Variants in RARB observed in about 807,000 individuals in gnomAD.
RARB encodes the protein retinoic acid receptor beta, also known as HBV-activated protein.
Under a neutral mutation model 51.9 loss-of-function variants are expected in RARB, and 17 were observed. The ratio of observed to expected loss-of-function variants is 0.33; its 90% CI spans 0.22 to 0.49. RARB has a LOEUF of 0.49. Ranked by LOEUF, RARB falls within the 20% of genes least tolerant of loss-of-function variation. The pLI, the probability that RARB is intolerant of heterozygous loss-of-function variation, is 0.99. For missense variants in RARB, 369 were observed against 550.8 expected (o/e 0.67, Z 3.30); for synonymous variants, 215 against 195.4 (o/e 1.10, Z -0.84).
chr3:25,002,241 A>C (rs540706517), intron 2 of RARB, among the ~76,000 whole-genome samples: 34 of 152,332 alleles, frequency 2.2e-4, no homozygotes, highest in Admixed American at 5.9e-4. Flanking sequence ...AGGGCAGAGC[A>C]CACTTCCCAC....
intron 5 of RARB, among the ~76,000 whole-genome samples, chr3:25,233,237 G>A (rs563060389): frequency 1.3e-5 from 2 of 152,026 alleles, no homozygotes; most frequent in South Asian, 2.1e-4. Flanking sequence ...AGGATTACAG[G>A]TGCGAGCCAC....
At position 25,076,135 on chromosome 3, in the gene RARB, A is replaced by G. The variant is rs1192924564; in HGVS notation, c.-328+15959A>G. Among the ~76,000 whole-genome samples, 5 of 136,482 alleles carry G rather than the reference A, an allele frequency of 3.7e-5. No homozygotes were observed. In the Admixed American group the frequency reaches 4.2e-4, roughly 11 times the overall value. The allele number at this position is 136,482 out of a possible 152,430, so 89.5% of individuals were successfully genotyped here. ...TTGAATAGTAAGTAGTATCCCCAGA[A>G]GCAGTTATTTATTTTTTTTTTTTTT... On this transcript the variant is annotated intron_variant, in intron 3 of 11. Transcript: ENST00000383772.
intron 4 of RARB, among the ~76,000 whole-genome samples, chr3:25,157,609 C>G (rs1269907113): frequency 6.6e-6 from 1 of 152,060 alleles, no homozygotes; most frequent in Non-Finnish European, 1.5e-5. Flanking sequence ...GTTGACCAGG[C>G]TCGTCTCAAA....
chr3:24,898,450 T>G lies in RARB; in HGVS notation c.-380+39698T>G, dbSNP rs1262604961. ...ATTATCAGTACAATTAGACAATAAC[T>G]TTAATATTTGTTACATGATTATATC... On this transcript the variant is annotated intron_variant, in intron 2 of 11. Transcript: ENST00000383772. Among the ~76,000 whole-genome samples, 3 of 151,890 alleles carry G rather than the reference T, an allele frequency of 2.0e-5. No homozygotes were observed. The South Asian group carries it at 6.2e-4, about 32-fold the overall frequency.
At chr3:24,996,144 T>G (rs1205369885) in intron 2 of RARB, among the ~76,000 whole-genome samples, 1 of 152,118 alleles carries the variant, frequency 6.6e-6, no homozygotes, top group Non-Finnish European at 1.5e-5. Flanking sequence ...TGCCTTGTTA[T>G]TGGTCTGTTC....
At chr3:24,858,209 C>T (rs1488460088) in intron 1 of RARB, among the ~76,000 whole-genome samples, 1 of 152,038 alleles carries the variant, frequency 6.6e-6, no homozygotes, top group African/African-American at 2.4e-5. Flanking sequence ...AGTGATGAAA[C>T]CAAGAAGATT....
chr3:25,242,269 G>C (rs1243352422), intron 5 of RARB, among the ~76,000 whole-genome samples: 1 of 152,094 alleles, frequency 6.6e-6, no homozygotes, highest in African/African-American at 2.4e-5. Context: ...TGTTCACTCT[G>C]ATGGTAGTTT....
intron 1 of RARB, among the ~76,000 whole-genome samples, chr3:25,445,013 G>A (rs1282363302): frequency 6.6e-6 from 1 of 151,888 alleles, no homozygotes; most frequent in African/African-American, 2.4e-5. Flanking sequence ...GTGGTGGTAC[G>A]ATCTCAGGTC....
At chr3:25,305,176 A>AT (rs1275562353) in intron 5 of RARB, among the ~76,000 whole-genome samples, 2 of 152,128 alleles carry the variant, frequency 1.3e-5, no homozygotes, top group Non-Finnish European at 2.9e-5. Context: ...CTTCATTTTA[A>AT]TTTAAAACAC....
chr3:25,109,887 C>T (rs1431571836), intron 3 of RARB, among the ~76,000 whole-genome samples: 1 of 152,228 alleles, frequency 6.6e-6, no homozygotes, highest in Non-Finnish European at 1.5e-5. Context: ...GCCTGGATCC[C>T]AGCCCCACAA....
chr3:25,133,048 A>G (rs769374496), intron 4 of RARB, among the ~76,000 whole-genome samples: 14 of 151,974 alleles, frequency 9.2e-5, no homozygotes, highest in Admixed American at 2.6e-4. Context: ...TGGTTAAACA[A>G]TGGCACGATG....
In RARB at chr3:25,214,770, C is replaced by A. The variant is rs527773819; in HGVS notation, c.178+40195C>A. On this transcript the variant is annotated intron_variant, in intron 5 of 11. Coordinates refer to the RARB transcript ENST00000383772. ...ACATTGCTTCCCATCTTTGAGATAA[C>A]CCTGAAAGGATAACATTGCTGTTCC... Among the ~76,000 whole-genome samples the A allele has an allele frequency of 2.6e-5, 4 of 152,260 alleles. No individual in the cohort carries two copies. The South Asian group carries it at 8.3e-4, about 32-fold the overall frequency.
intron 5 of RARB, among the ~76,000 whole-genome samples, chr3:25,197,243 T>C (rs1701266408): frequency 6.6e-6 from 1 of 152,142 alleles, no homozygotes. Context: ...AATTTGTGTA[T>C]AAGGTGTAAG....
chr3:25,096,977 C>A (rs1447447201), intron 3 of RARB, among the ~76,000 whole-genome samples: 1 of 152,086 alleles, frequency 6.6e-6, no homozygotes, highest in Non-Finnish European at 1.5e-5. Context: ...AGGTACAAAC[C>A]TTTTTTTCTG....
At chr3:25,582,612 G>A (rs2125308734) in intron 5 of RARB, among the ~76,000 whole-genome samples, 1 of 152,152 alleles carries the variant, frequency 6.6e-6, no homozygotes, top group Non-Finnish European at 1.5e-5. Context: ...CACACTTAGT[G>A]ATCAGGGTGC....
chr3:25,562,844 T>TA (rs933336806), intron 3 of RARB, among the ~76,000 whole-genome samples: 20 of 152,160 alleles, frequency 1.3e-4, no homozygotes, highest in Admixed American at 2.6e-4. Flanking sequence ...CAAGAAGAGG[T>TA]AAAATCTGCA....
At chr3:24,912,690 T>A (rs1005603798) in intron 2 of RARB, among the ~76,000 whole-genome samples, 4 of 152,150 alleles carry the variant, frequency 2.6e-5, no homozygotes, top group Non-Finnish European at 4.4e-5. Flanking sequence ...AAGAGAAAAA[T>A]CTTTCTACAT....
chr3:25,521,857 A>C (rs1426762477), intron 3 of RARB, among the ~76,000 whole-genome samples: 1 of 152,126 alleles, frequency 6.6e-6, no homozygotes, highest in Non-Finnish European at 1.5e-5. Context: ...CTTCATTGAA[A>C]ATCATATTTG....
Position 25,090,685 on chromosome 3 carries a change from C to T in RARB, c.-328+30509C>T, listed in dbSNP as rs77232509. ...CACTTCCTATATAAACAGTTCAGAT[C>T]AGACAAAAATACTCATGGTACTAAG... On this transcript the variant is annotated intron_variant, in intron 3 of 11. Transcript: ENST00000383772. 3.0e-3 allele frequency among the ~76,000 whole-genome samples: 458 copies of T among 152,180 alleles called. 1 individual carries two copies. Among genetic ancestry groups the T allele is most frequent in the Non-Finnish European group, 5.0e-3 (341 of 67,996 alleles).
Sources: gnomAD v4.1 joint callset for allele counts (sites outside exome capture counted in the v4.1 genomes callset) on GRCh38, gnomAD v4.1.1 for gene constraint, MANE v1.5 for transcripts, NCBI Gene and HGNC (gene_info 2026-07-23, HGNC 2026-07-21) for gene names.